TMEM144: variants seen among roughly 807,000 people sequenced by gnomAD.
The protein encoded by TMEM144 is transmembrane protein 144.
In TMEM144, 39 loss-of-function variants were observed where a neutral mutation model predicts 43.6. The ratio of observed to expected loss-of-function variants is 0.90; its 90% CI spans 0.69 to 1.17. The LOEUF is 1.17. TMEM144 is among the 50% of genes most tolerant of loss of function. The probability of loss-of-function intolerance (pLI) is 0.00; values close to 1 mark genes in which losing one functional copy is unlikely to be tolerated. For synonymous variants in TMEM144, 154 were observed against 133.6 expected (o/e 1.15, Z -1.06); for missense variants, 417 against 411.9 (o/e 1.01, Z -0.11).
chr4:158,253,490 T>A lies in TMEM144; in HGVS notation c.1001T>A (p.Leu334Ter). 6.2e-7 allele frequency: 1 copy of A among 1,613,942 alleles called. No individual in the cohort carries two copies. The highest frequency in any genetic ancestry group is 8.5e-7 in the Non-Finnish European group (1 of 1,179,902). The change falls in exon 13 of 13, where the codon TTG becomes TAG. Residue 334 changes from leucine to a stop codon, truncating the protein, a stop_gained. Coordinates refer to ENST00000296529, the MANE Select transcript of TMEM144 (RefSeq NM_018342.5). LOFTEE classifies it high-confidence loss of function. ...ATGATACTTGCATTTTGCATCATCT[T>A]GACTGGAGCCTTATGCACTGCTTTT... ...LLMILAFCII[L>*]TGALCTAFSK...
At chr4:158,239,761 A>T (rs1380733466) in intron 9 of TMEM144, among the ~76,000 whole-genome samples, 1 of 152,188 alleles carries the variant, frequency 6.6e-6, no homozygotes. Context: ...TGATCATAAA[A>T]ACTAGCCTTT....
chr4:158,230,533 T>G (rs1344833356), intron 6 of TMEM144, among the ~76,000 whole-genome samples: 2 of 152,110 alleles, frequency 1.3e-5, no homozygotes, highest in Non-Finnish European at 2.9e-5. Flanking sequence ...GGATTTTCGT[T>G]GTATAATTTT....
At chr4:158,210,883 A>G (rs1733925355) in intron 1 of TMEM144, 1 of 152,258 alleles carries the variant, frequency 6.6e-6, no homozygotes, top group East Asian at 1.9e-4. Flanking sequence ...AATGTAAAGG[A>G]GAAGTATTTA....
At chr4:158,241,724 A>G in intron 11 of TMEM144, 118 bp downstream of exon 11, 1 of 707,134 alleles carries the variant, frequency 1.4e-6, no homozygotes, top group Non-Finnish European at 2.4e-6. Context: ...TAGGAATACA[A>G]TTAATGGATT....
intron 12 of TMEM144, among the ~76,000 whole-genome samples, chr4:158,246,222 T>C (rs1735887163): frequency 6.6e-6 from 1 of 152,228 alleles, no homozygotes; most frequent in South Asian, 2.1e-4. Context: ...AATACTCTTT[T>C]ATAAGAATTT....
At chr4:158,214,098 A>G (rs1165352746) in intron 3 of TMEM144, 2 of 152,110 alleles carry the variant, frequency 1.3e-5, no homozygotes, top group Non-Finnish European at 2.9e-5. Context: ...GTGAAGTATC[A>G]TAATCTTGGC....
At chr4:158,239,734 T>C (rs535894366) in intron 9 of TMEM144, among the ~76,000 whole-genome samples, 44 of 152,316 alleles carry the variant, frequency 2.9e-4, no homozygotes, top group African/African-American at 9.9e-4. Flanking sequence ...CATTGTTTCT[T>C]ATTTAGCTTT....
intron 3 of TMEM144, chr4:158,213,844 G>A (rs1429467439): frequency 6.6e-6 from 1 of 152,036 alleles, no homozygotes. Flanking sequence ...TCTGGAGTTA[G>A]GACAAGAATG....
chr4:158,242,941 C>G (rs1024334108), intron 11 of TMEM144, among the ~76,000 whole-genome samples: 4 of 152,176 alleles, frequency 2.6e-5, no homozygotes, highest in Admixed American at 6.5e-5. Flanking sequence ...ATACTTTGAC[C>G]TATGCTTGCA....
intron 7 of TMEM144, chr4:158,234,806 C>G (rs548888136): frequency 2.0e-4 from 31 of 152,334 alleles, no homozygotes; most frequent in Admixed American, 5.9e-4. Context: ...TTTCATCACA[C>G]TATTCAGAAC....
rs5863316 is a variant in TMEM144, at chr4:158,254,435, G to GTTTTTTTTTTTT, written c.*921_*932dup. 2 of 120,754 alleles carry GTTTTTTTTTTTT rather than the reference G, an allele frequency of 1.7e-5. No homozygotes were observed. Among genetic ancestry groups the GTTTTTTTTTTTT allele is most frequent in the Non-Finnish European group, 1.7e-5 (1 of 58,206 alleles). 7.5% of individuals were successfully genotyped at this position (120,754 alleles called of 1,614,324 possible). A position where few individuals can be genotyped will look rare whatever the true frequency, so the allele number is the denominator to read the frequency against. On this transcript the variant is annotated 3_prime_UTR_variant, in exon 13 of 13. Coordinates refer to ENST00000296529, the MANE Select transcript of TMEM144 (RefSeq NM_018342.5). The stretch of plus-strand genomic sequence containing the variant: ...GCAAAATAAAATGACAGGCATGCTA[G>GTTTTTTTTTTTT]TTTTTTTTTTTTTTTTTTTTTTTTA...
chr4:158,211,352 T>C (rs1380593105), intron 1 of TMEM144, 101 bp from the exon 2 acceptor site: 2 of 152,262 alleles, frequency 1.3e-5, no homozygotes, highest in East Asian at 3.8e-4. Context: ...CATTCTCTTC[T>C]ATCAATGTAC....
intron 6 of TMEM144, among the ~76,000 whole-genome samples, 173 bp downstream of exon 6, chr4:158,219,563 G>T (rs1734411549): frequency 6.6e-6 from 1 of 152,130 alleles, no homozygotes; most frequent in Non-Finnish European, 1.5e-5. Context: ...TGCCAGATTT[G>T]GGGGCAGGGG....
intron 6 of TMEM144, among the ~76,000 whole-genome samples, chr4:158,226,519 C>A (rs1217753135): frequency 6.6e-6 from 1 of 152,130 alleles, no homozygotes; most frequent in Non-Finnish European, 1.5e-5. Flanking sequence ...ACAAAATATA[C>A]ATATTTTTAA....
At chr4:158,246,265 C>A (rs910789508) in intron 12 of TMEM144, among the ~76,000 whole-genome samples, 1 of 152,152 alleles carries the variant, frequency 6.6e-6, no homozygotes, top group Non-Finnish European at 1.5e-5. Context: ...AAAGACCCCT[C>A]CCCAATCAAG....
intron 10 of TMEM144, 33 bp from the exon 11 acceptor site, chr4:158,241,476 G>A (rs1735633287): frequency 6.5e-7 from 1 of 1,541,426 alleles, no homozygotes; most frequent in African/African-American, 1.4e-5. Flanking sequence ...AGGGGAACAT[G>A]GTCTGCAAAT....
intron 6 of TMEM144, among the ~76,000 whole-genome samples, chr4:158,231,591 G>A (rs1183671496): frequency 1.3e-5 from 2 of 152,168 alleles, no homozygotes; most frequent in African/African-American, 4.8e-5. Context: ...GGCCCAAGGG[G>A]AAGTTTTTTT....
intron 12 of TMEM144, among the ~76,000 whole-genome samples, chr4:158,252,750 G>A (rs1436324162): frequency 1.3e-5 from 2 of 150,462 alleles, no homozygotes; most frequent in African/African-American, 4.9e-5. Flanking sequence ...GGAGGTTGCA[G>A]TGAGCCAAGA....
intron 10 of TMEM144, among the ~76,000 whole-genome samples, chr4:158,240,740 A>AT (rs1230672404): frequency 2.0e-5 from 3 of 152,172 alleles, no homozygotes; most frequent in Non-Finnish European, 4.4e-5. Flanking sequence ...ATTCTTTACT[A>AT]TTTCTTTTTC....
Sources: gnomAD v4.1 joint callset for allele counts (sites outside exome capture counted in the v4.1 genomes callset) on GRCh38, gnomAD v4.1.1 for gene constraint, MANE v1.5 for transcripts, NCBI Gene and HGNC (gene_info 2026-07-23, HGNC 2026-07-21) for gene names.